The following USP6NL variants were observed in gnomAD, a reference collection of about 807,000 sequenced individuals.
USP6NL encodes USP6 N-terminal-like protein.
In USP6NL, 26 loss-of-function variants were observed where a neutral mutation model predicts 61.9. That is an observed-to-expected ratio of 0.42 (90% CI 0.31 to 0.58). USP6NL has a LOEUF of 0.58. USP6NL is among the 20% of genes least tolerant of loss of function. The pLI is 0.16. For missense variants in USP6NL, 1,114 were observed against 1,034.3 expected, an observed-to-expected ratio of 1.08 and a Z score of -1.06; for synonymous variants, 432 against 390.1, an observed-to-expected ratio of 1.11 and a Z score of -1.27.
rs774096761 is a variant in USP6NL, at chr10:11,525,345, G to A, written c.155+41C>T. ...CAATATAATAGGTGACCACAGAAAC[G>A]TTATAATCTAAAAAGCAAGCTTTCA... On this transcript the variant is annotated intron_variant, in intron 4 of 14. Coordinates refer to ENST00000609104, the MANE Select transcript of USP6NL (RefSeq NM_014688.5). This position sits in a 1 kb window ranked among gnomAD's most constrained non-coding sequence, Gnocchi z 5.0. 38 of 1,500,850 alleles carry A rather than the reference G, an allele frequency of 2.5e-5. No homozygotes were observed. Among genetic ancestry groups the A allele is most frequent in the East Asian group, 7.1e-5 (3 of 42,332 alleles). 93.0% of individuals were successfully genotyped at this position (1,500,850 alleles called of 1,614,324 possible).
At chr10:11,480,253 G>A (rs1202026328) in intron 14 of USP6NL, among the ~76,000 whole-genome samples, 2 of 152,130 alleles carry the variant, frequency 1.3e-5, no homozygotes, top group African/African-American at 4.8e-5. Context: ...CCTGTGGTAC[G>A]TGGCACACAG....
At chr10:11,551,239 A>G (rs536644104) in intron 2 of USP6NL, among the ~76,000 whole-genome samples, 2 of 152,380 alleles carry the variant, frequency 1.3e-5, no homozygotes, top group East Asian at 3.9e-4. Flanking sequence ...TGAAAAGGTA[A>G]GCAAATTTTG....
chr10:11,475,314 A>AT (rs1032074046), intron 14 of USP6NL, among the ~76,000 whole-genome samples: 1 of 151,918 alleles, frequency 6.6e-6, no homozygotes, highest in Non-Finnish European at 1.5e-5. Context: ...AAAAAAAAAA[A>AT]AATGTAAAAG....
rs745674636 is a variant in USP6NL, at chr10:11,465,356, C to T, written c.1079-1507G>A. 1.8e-4 allele frequency among the ~76,000 whole-genome samples: 28 copies of T among 152,098 alleles called. 1 individual carries two copies. The highest frequency in any genetic ancestry group is 3.2e-3 in the Middle Eastern group (1 of 316). The stretch of plus-strand genomic sequence containing the variant: ...CCATTAAAGAAAAGGAAAACTGTGA[C>T]GCCCAGAGTGGTGAATGCATGCCTG... On this transcript the variant is annotated intron_variant, in intron 14 of 14. Transcript: ENST00000609104. This position sits in a 1 kb window ranked among gnomAD's most constrained non-coding sequence, Gnocchi z 4.5.
chr10:11,531,493 T>G (rs1050497979), intron 2 of USP6NL, among the ~76,000 whole-genome samples: 34 of 152,036 alleles, frequency 2.2e-4, no homozygotes, highest in Admixed American at 2.1e-3. Context: ...AATTTTTGTA[T>G]TTTTAGTAGA....
Position 11,478,986 on chromosome 10 carries a change from A to G in USP6NL, c.1078+2784T>C, listed in dbSNP as rs771384583. ...AAAATGTAATGTAATAAATGCCACT[A>G]ATCCACATGACTAATGGTTTGGAAA... is the stretch of plus-strand genomic sequence containing the variant. On this transcript the variant is annotated intron_variant, in intron 14 of 14. Coordinates refer to ENST00000609104, the MANE Select transcript of USP6NL (RefSeq NM_014688.5). The surrounding 1 kb of genome is among the most constrained non-coding windows in gnomAD (Gnocchi z 6.8). 8.6e-5 allele frequency among the ~76,000 whole-genome samples: 13 copies of G among 150,626 alleles called. No homozygotes were observed. Among genetic ancestry groups the G allele is most frequent in the Non-Finnish European group, 1.5e-4 (10 of 67,298 alleles).
chr10:11,464,747 G>A (rs549283782), intron 14 of USP6NL, among the ~76,000 whole-genome samples: 61 of 152,298 alleles, frequency 4.0e-4, no homozygotes, highest in Middle Eastern at 3.4e-3. Context: ...CAGAACCCAC[G>A]TTGTTCTTAT....
rs182368911 is a variant in USP6NL, at chr10:11,592,437, T to G, written c.4+5194A>C. 6.6e-6 allele frequency among the ~76,000 whole-genome samples: 1 copy of G among 152,248 alleles called. No homozygotes were observed. The highest frequency in any genetic ancestry group is 2.4e-5 in the African/African-American group (1 of 41,550). The stretch of plus-strand genomic sequence containing the variant: ...TGTCAGCCACAAAGTCTCCATACAT[T>G]TCCAAATTCCTCTCCTCCATTAAGA... On this transcript the variant is annotated intron_variant, in intron 2 of 14. Transcript: ENST00000609104. The surrounding 1 kb of genome is among the most constrained non-coding windows in gnomAD (Gnocchi z 4.7).
At position 11,527,550 on chromosome 10, in the gene USP6NL, C is replaced by A. The variant is rs754953077; in HGVS notation, c.22G>T (p.Ala8Ser). Residue 8 changes from alanine (A) to serine (S), a missense_variant, in exon 3 of 15, where the codon GCA becomes TCA. By Grantham distance (99) the Ala-to-Ser change is moderately conservative (BLOSUM62 1). Transcript: ENST00000609104. Reference sequence around the variant, plus strand: ...GCTCGCTCCTGGGCAAGTTTGAGTGCTACATCCTGGTCTGAATCTGTGGAG... The same window carrying A: ...GCTCGCTCCTGGGCAAGTTTGAGTGATACATCCTGGTCTGAATCTGTGGAG... MNSDQDV[A>S]LKLAQERAEI... The A allele has an allele frequency of 1.4e-4, 225 of 1,609,256 alleles. No individual in the cohort carries two copies. Among genetic ancestry groups the A allele is most frequent in the Non-Finnish European group, 1.7e-4 (195 of 1,177,732 alleles).
At chr10:11,577,392 T>A (rs955794167) in intron 2 of USP6NL, among the ~76,000 whole-genome samples, 1 of 151,706 alleles carries the variant, frequency 6.6e-6, no homozygotes, top group Non-Finnish European at 1.5e-5. Context: ...TTCATTAGAT[T>A]TATTTCTATT....
chr10:11,527,382 T>C (rs1432255815), intron 3 of USP6NL, 118 bp downstream of exon 3: 1 of 807,854 alleles, frequency 1.2e-6, no homozygotes, highest in Non-Finnish European at 2.0e-6. Context: ...GATCTCTATG[T>C]CCCCATGAAG....
At chr10:11,559,965 C>T (rs1288934325) in intron 2 of USP6NL, among the ~76,000 whole-genome samples, 1 of 152,100 alleles carries the variant, frequency 6.6e-6, no homozygotes, top group Non-Finnish European at 1.5e-5. Flanking sequence ...GAAAAAAAGA[C>T]TGATAAGGCA....
At chr10:11,604,264 T>C (rs1200055657) in intron 1 of USP6NL, among the ~76,000 whole-genome samples, 4 of 152,228 alleles carry the variant, frequency 2.6e-5, no homozygotes. Flanking sequence ...CACTGTATGA[T>C]TTATTATCTT....
rs1566104005 is a variant in USP6NL at position 11,460,656 on chromosome 10, A to ATATAT, written c.*1784_*1785insATATA. 2.3e-3 allele frequency: 260 copies of ATATAT among 113,648 alleles called. No individual in the cohort carries two copies. The highest frequency in any genetic ancestry group is 6.0e-3 in the South Asian group (18 of 3,024). The allele number at this position is 113,648 out of a possible 1,614,324, so 7.0% of individuals were successfully genotyped here. A position where few individuals can be genotyped will look rare whatever the true frequency, so the allele number is the denominator to read the frequency against. On this transcript the variant is annotated 3_prime_UTR_variant, in exon 15 of 15. Coordinates refer to ENST00000609104, the MANE Select transcript of USP6NL (RefSeq NM_014688.5). ...ATATATATATATATATATATATATA[A>ATATAT]AAATCTACAGTATTTACCACTGTTG...
In USP6NL at chr10:11,470,507, C is replaced by T. The variant is rs1030453184; in HGVS notation, c.1079-6658G>A. 4.6e-5 allele frequency among the ~76,000 whole-genome samples: 7 copies of T among 152,160 alleles called. No homozygotes were observed. The highest frequency in any genetic ancestry group is 1.7e-4 in the African/African-American group (7 of 41,424). ...CTGTAAGAAGGACGAATGCCATCAC[C>T]AGTAACATTTTTATATGCCAATTAG... is the stretch of plus-strand genomic sequence containing the variant. On this transcript the variant is annotated intron_variant, in intron 14 of 14. Coordinates refer to ENST00000609104, the MANE Select transcript of USP6NL (RefSeq NM_014688.5). This position sits in a 1 kb window ranked among gnomAD's most constrained non-coding sequence, Gnocchi z 5.4.
At chr10:11,504,319 A>AT (rs35328212) in intron 6 of USP6NL, among the ~76,000 whole-genome samples, 12,582 of 152,214 alleles carry the variant, frequency 0.083, 617 homozygotes, top group South Asian at 0.19. Context: ...TTTGGATGAA[A>AT]TTTGCTTATT....
rs57177555 is a variant in USP6NL, at chr10:11,460,624, CATATATATATATATAT to C, written c.*1801_*1816del. 7.9e-5 allele frequency: 10 copies of C among 126,660 alleles called. No homozygotes were observed. The highest frequency in any genetic ancestry group is 2.0e-4 in the African/African-American group (7 of 35,620). 7.8% of individuals were successfully genotyped at this position (126,660 alleles called of 1,614,324 possible). ...CTTGTGTGTATATATATATTTTTTG[CATATATATATATATAT>C]ATATATATATATATAAAAATCTACA... On this transcript the variant is annotated 3_prime_UTR_variant, in exon 15 of 15. Transcript: ENST00000609104.
rs372233971 is a variant in USP6NL at position 11,602,085 on chromosome 10, G to A, written c.-83-4368C>T. Among the ~76,000 whole-genome samples, 12 of 151,786 alleles carry A rather than the reference G, an allele frequency of 7.9e-5. No individual in the cohort carries two copies. The highest frequency in any genetic ancestry group is 2.7e-4 in the African/African-American group (11 of 41,394). On this transcript the variant is annotated intron_variant, in intron 1 of 14. Coordinates refer to ENST00000609104, the MANE Select transcript of USP6NL (RefSeq NM_014688.5). The surrounding 1 kb of genome is among the most constrained non-coding windows in gnomAD (Gnocchi z 4.8). ...TACATACATATACACACACACACAC[G>A]TCCAAATAACAAGGGATTGACTACA...
chr10:11,469,448 G>T (rs140709946), intron 14 of USP6NL, among the ~76,000 whole-genome samples: 1 of 152,190 alleles, frequency 6.6e-6, no homozygotes, highest in African/African-American at 2.4e-5. Context: ...CAGGGTTCGG[G>T]GGGGAAGAAA....
Sources: gnomAD v4.1 joint callset for allele counts (sites outside exome capture counted in the v4.1 genomes callset) on GRCh38, gnomAD v4.1.1 for gene constraint, Gnocchi (gnomAD v3.1) non-coding constraint, MANE v1.5 for transcripts, NCBI Gene and HGNC (gene_info 2026-07-23, HGNC 2026-07-21) for gene names.